The following RBFOX1 variants were observed in gnomAD, a reference collection of about 807,000 sequenced individuals.
The protein encoded by RBFOX1 is RNA binding fox-1 homolog 1.
Under a neutral mutation model 57.7 loss-of-function variants are expected in RBFOX1, and 8 were observed. That is an observed-to-expected ratio of 0.14 (90% confidence interval 0.08 to 0.25). RBFOX1 has a LOEUF of 0.25. Among genes scored for constraint, RBFOX1 ranks in the 10% least tolerant of loss-of-function variants. RBFOX1 has a pLI of 1.00. For missense variants in RBFOX1, 611 were observed against 548.5 expected (o/e 1.11, Z -1.14); for synonymous variants, 326 against 222.4 (o/e 1.47, Z -4.15).
At chr16:5,309,559 A>G (rs953826552) in intron 1 of RBFOX1, among the ~76,000 whole-genome samples, 7 of 152,272 alleles carry the variant, frequency 4.6e-5, no homozygotes, top group African/African-American at 1.4e-4. Context: ...ATTTTGTTAC[A>G]TAGATATATT....
intron 1 of RBFOX1, among the ~76,000 whole-genome samples, chr16:6,156,054 C>A (rs868267714): frequency 6.6e-6 from 1 of 152,112 alleles, no homozygotes; most frequent in East Asian, 1.9e-4. Flanking sequence ...AGGAGATCTG[C>A]CTGAAGCCAC....
chr16:5,454,527 T>G (rs937518348), intron 1 of RBFOX1, among the ~76,000 whole-genome samples: 23 of 152,172 alleles, frequency 1.5e-4, no homozygotes, highest in African/African-American at 5.3e-4. Flanking sequence ...ACAATGTGGG[T>G]GGGCTGTATC....
intron 3 of RBFOX1, among the ~76,000 whole-genome samples, chr16:7,045,387 A>C (rs532615229): frequency 6.6e-6 from 1 of 152,218 alleles, no homozygotes; most frequent in South Asian, 2.1e-4. Flanking sequence ...TATAGAGATT[A>C]CTTGAAATAT....
intron 1 of RBFOX1, among the ~76,000 whole-genome samples, chr16:5,352,087 T>C (rs1278953401): frequency 6.6e-6 from 1 of 152,126 alleles, no homozygotes; most frequent in African/African-American, 2.4e-5. Flanking sequence ...ATTACAGGGG[T>C]GAGCCACTGC....
At chr16:6,810,013 C>G (rs929707922) in intron 3 of RBFOX1, among the ~76,000 whole-genome samples, 2 of 147,862 alleles carry the variant, frequency 1.4e-5, no homozygotes, top group African/African-American at 5.0e-5. Context: ...TGAAAAAATT[C>G]TCTTCTCTCT....
intron 2 of RBFOX1, among the ~76,000 whole-genome samples, chr16:5,568,445 C>T (rs1471504664): frequency 6.6e-6 from 1 of 152,146 alleles, no homozygotes; most frequent in Non-Finnish European, 1.5e-5. Context: ...CTTCTCTTTC[C>T]CCCTTTCCTG....
At chr16:6,148,656 G>A (rs542309442) in intron 1 of RBFOX1, among the ~76,000 whole-genome samples, 24 of 152,334 alleles carry the variant, frequency 1.6e-4, no homozygotes, top group African/African-American at 5.8e-4. Flanking sequence ...TGCTGGTGAT[G>A]TAGAACAGGC....
At chr16:7,262,794 C>G (rs762238139) in intron 4 of RBFOX1, among the ~76,000 whole-genome samples, 1 of 152,234 alleles carries the variant, frequency 6.6e-6, no homozygotes, top group East Asian at 1.9e-4. Context: ...GCTCAGGAAT[C>G]CAATTCTTTT....
chr16:7,364,904 A>G (rs565622460), intron 4 of RBFOX1, among the ~76,000 whole-genome samples: 1 of 152,250 alleles, frequency 6.6e-6, no homozygotes, highest in African/African-American at 2.4e-5. Context: ...AGGAAGGTGT[A>G]ATGGATACTA....
chr16:5,756,821 T>C (rs1237644593), intron 3 of RBFOX1, among the ~76,000 whole-genome samples: 1 of 152,206 alleles, frequency 6.6e-6, no homozygotes, highest in African/African-American at 2.4e-5. Context: ...GGTGGACTTC[T>C]CAATAATACA....
intron 3 of RBFOX1, among the ~76,000 whole-genome samples, chr16:5,771,010 A>G (rs758155231): frequency 6.6e-5 from 10 of 152,196 alleles, no homozygotes; most frequent in Non-Finnish European, 1.5e-4. Context: ...GCAAACGAGC[A>G]GTGTTGGCAT....
At chr16:5,696,257 T>TAA (rs1162102638) in intron 3 of RBFOX1, among the ~76,000 whole-genome samples, 3 of 152,228 alleles carry the variant, frequency 2.0e-5, no homozygotes, top group Non-Finnish European at 4.4e-5. Flanking sequence ...AGAACTATTA[T>TAA]TCCCATAGGT....
At chr16:5,328,994 C>A (rs1047762783) in intron 1 of RBFOX1, among the ~76,000 whole-genome samples, 5 of 152,188 alleles carry the variant, frequency 3.3e-5, no homozygotes, top group Non-Finnish European at 5.9e-5. Flanking sequence ...TTGGTCTAAG[C>A]TAGCTTATTA....
At chr16:5,872,470 C>T (rs1302175203) in intron 4 of RBFOX1, among the ~76,000 whole-genome samples, 1 of 152,194 alleles carries the variant, frequency 6.6e-6, no homozygotes, top group African/African-American at 2.4e-5. Context: ...GTGGCTCACA[C>T]CTGTAGTCCT....
chr16:6,976,522 A>G (rs1313970116), intron 3 of RBFOX1, among the ~76,000 whole-genome samples: 1 of 152,102 alleles, frequency 6.6e-6, no homozygotes, highest in Non-Finnish European at 1.5e-5. Flanking sequence ...ATTTGGGGTG[A>G]GTCCACGGTG....
intron 1 of RBFOX1, chr16:6,092,442 A>C (rs2152534833): frequency 1.3e-5 from 2 of 152,334 alleles, no homozygotes; most frequent in South Asian, 4.1e-4. Flanking sequence ...TCCAGCTTAA[A>C]GGAAGGAAAG....
At chr16:6,074,595 A>G (rs182494854) in intron 1 of RBFOX1, among the ~76,000 whole-genome samples, 1 of 152,312 alleles carries the variant, frequency 6.6e-6, no homozygotes, top group Non-Finnish European at 1.5e-5. Flanking sequence ...GGGGTCTTGC[A>G]GTGGGGGAGA....
intron 4 of RBFOX1, among the ~76,000 whole-genome samples, chr16:7,062,216 G>A (rs1298672754): frequency 6.6e-6 from 1 of 150,626 alleles, no homozygotes; most frequent in Non-Finnish European, 1.5e-5. Flanking sequence ...CTACTCAGGA[G>A]GCTGAGGCAG....
chr16:5,728,654 C>G (rs981226415), intron 3 of RBFOX1, among the ~76,000 whole-genome samples: 1 of 152,166 alleles, frequency 6.6e-6, no homozygotes, highest in Non-Finnish European at 1.5e-5. Context: ...GGGATGACTC[C>G]GTAGGTCACT....
Sources: gnomAD v4.1 joint callset for allele counts (sites outside exome capture counted in the v4.1 genomes callset) on GRCh38, gnomAD v4.1.1 for gene constraint, MANE v1.5 for transcripts, NCBI Gene and HGNC (gene_info 2026-07-23, HGNC 2026-07-21) for gene names.